FNDC3B: variants seen among roughly 807,000 people sequenced by gnomAD.
FNDC3B encodes the protein fibronectin type III domain containing 3B, also known as fibronectin type III domain-containing protein 3B.
A neutral mutation model predicts 151.5 loss-of-function variants in FNDC3B; 12 were observed. The ratio of observed to expected loss-of-function variants is 0.08; its 90% confidence interval spans 0.05 to 0.13. The LOEUF is 0.13. Among genes scored for constraint, FNDC3B ranks in the 10% least tolerant of loss-of-function variants. The pLI is 1.00. For synonymous variants in FNDC3B, 528 were observed against 549.0 expected (o/e 0.96, Z 0.54); for missense variants, 1,214 against 1,505.3 (o/e 0.81, Z 3.20).
At chr3:172,057,544 C>T (rs917073479) in intron 1 of FNDC3B, among the ~76,000 whole-genome samples, 3 of 151,934 alleles carry the variant, frequency 2.0e-5, no homozygotes, top group African/African-American at 7.3e-5. Context: ...GGGGGAAGAA[C>T]AAAACTTTTA....
At chr3:172,311,507 C>A (rs1041953064) in intron 11 of FNDC3B, among the ~76,000 whole-genome samples, 1 of 151,958 alleles carries the variant, frequency 6.6e-6, no homozygotes, top group African/African-American at 2.4e-5. Flanking sequence ...GCATTTCTGG[C>A]CTAGCTAACT....
intron 3 of FNDC3B, among the ~76,000 whole-genome samples, chr3:172,198,135 C>T (rs985989463): frequency 4.6e-5 from 7 of 152,082 alleles, no homozygotes; most frequent in Admixed American, 3.9e-4. Context: ...ATTCTTTGAG[C>T]ACATCTTTTC....
intron 3 of FNDC3B, among the ~76,000 whole-genome samples, chr3:172,170,557 A>T (rs897915297): frequency 2.6e-5 from 4 of 152,256 alleles, no homozygotes; most frequent in Non-Finnish European, 5.9e-5. Flanking sequence ...GGGAGAGAAG[A>T]AAAAGAGATA....
At chr3:172,376,849 T>TAAA (rs752232518) in intron 23 of FNDC3B, among the ~76,000 whole-genome samples, 1 of 117,802 alleles carries the variant, frequency 8.5e-6, no homozygotes, top group Non-Finnish European at 1.8e-5. Context: ...CAGGCTTTGT[T>TAAA]AAAAAAAAAA....
intron 5 of FNDC3B, among the ~76,000 whole-genome samples, chr3:172,249,307 C>T (rs1249622770): frequency 6.6e-6 from 1 of 152,058 alleles, no homozygotes; most frequent in Admixed American, 6.5e-5. Flanking sequence ...TAAATGCTGT[C>T]CTTTGCAATT....
At chr3:172,386,731 ACT>A (rs1241790484) in intron 25 of FNDC3B, among the ~76,000 whole-genome samples, 1 of 146,518 alleles carries the variant, frequency 6.8e-6, no homozygotes, top group Non-Finnish European at 1.5e-5. Flanking sequence ...ACAGAGCGAG[ACT>A]CTGTCTCAAA....
chr3:172,372,122 C>T (rs1576955156), intron 23 of FNDC3B, among the ~76,000 whole-genome samples: 1 of 152,288 alleles, frequency 6.6e-6, no homozygotes. Context: ...GACTGTTGAG[C>T]CTGAACTCAG....
chr3:172,350,003 CAT>C, intron 21 of FNDC3B, among the ~76,000 whole-genome samples: 1 of 152,228 alleles, frequency 6.6e-6, no homozygotes, highest in East Asian at 1.9e-4. Flanking sequence ...AGTTCTGTAA[CAT>C]GTTTCTCTTC....
intron 11 of FNDC3B, among the ~76,000 whole-genome samples, chr3:172,314,066 C>T (rs1731657420): frequency 6.6e-6 from 1 of 152,190 alleles, no homozygotes. Context: ...CCCTCTGAAT[C>T]CTTCTGCTGG....
chr3:172,087,633 A>AT lies in FNDC3B; in HGVS notation c.-28-24810dup, dbSNP rs1333107885. Among the ~76,000 whole-genome samples the AT allele has an allele frequency of 3.2e-3, 486 of 151,734 alleles. 3 individuals carry two copies. Among genetic ancestry groups the AT allele is most frequent in the African/African-American group, 0.011 (470 of 41,372 alleles). On this transcript the variant is annotated intron_variant, in intron 1 of 25. Coordinates refer to ENST00000415807, the MANE Select transcript of FNDC3B (RefSeq NM_022763.4). ...TCAGAGGTGCTGCTGATTAAAAAAA[A>AT]TTTTTTTTTCAAATTTCATTGCAAA... is the stretch of plus-strand genomic sequence containing the variant.
chr3:172,345,963 G>T (rs1733594634), intron 19 of FNDC3B: 1 of 155,656 alleles, frequency 6.4e-6, no homozygotes. Flanking sequence ...TTAAACTGCA[G>T]TGGGCATCTG....
chr3:172,176,620 C>T (rs547758200), intron 3 of FNDC3B, among the ~76,000 whole-genome samples: 12 of 152,164 alleles, frequency 7.9e-5, no homozygotes, highest in Non-Finnish European at 1.3e-4. Context: ...TGACAATGGT[C>T]GAATGAGATA....
intron 5 of FNDC3B, among the ~76,000 whole-genome samples, chr3:172,250,023 A>G (rs1727987979): frequency 2.0e-5 from 3 of 152,152 alleles, no homozygotes; most frequent in Admixed American, 2.0e-4. Context: ...GGTAATTTAT[A>G]TTGTCACTCC....
At chr3:172,284,230 T>G (rs1316564829) in intron 6 of FNDC3B, among the ~76,000 whole-genome samples, 3 of 152,186 alleles carry the variant, frequency 2.0e-5, no homozygotes. Context: ...TAGCCTGCTT[T>G]TGTATGGCCC....
intron 11 of FNDC3B, among the ~76,000 whole-genome samples, chr3:172,317,710 A>G (rs1227567316): frequency 6.6e-6 from 1 of 152,238 alleles, no homozygotes; most frequent in Non-Finnish European, 1.5e-5. Flanking sequence ...AAGTTTACCT[A>G]AGCAGATGCT....
At chr3:172,158,204 C>T (rs1420788420) in intron 3 of FNDC3B, among the ~76,000 whole-genome samples, 1 of 152,150 alleles carries the variant, frequency 6.6e-6, no homozygotes, top group Non-Finnish European at 1.5e-5. Context: ...TAAGACAGTA[C>T]CCAAGAGTAC....
At chr3:172,370,625 T>A (rs886459391) in intron 23 of FNDC3B, among the ~76,000 whole-genome samples, 5 of 152,190 alleles carry the variant, frequency 3.3e-5, no homozygotes, top group African/African-American at 1.2e-4. Flanking sequence ...AAGTTTACAG[T>A]GAAGGTAATA....
At chr3:172,390,830 A>C (rs1266691168) in intron 25 of FNDC3B, among the ~76,000 whole-genome samples, 1 of 152,168 alleles carries the variant, frequency 6.6e-6, no homozygotes, top group Non-Finnish European at 1.5e-5. Context: ...GCAGAAACTG[A>C]GCAGGGAACT....
intron 3 of FNDC3B, among the ~76,000 whole-genome samples, chr3:172,224,121 A>G (rs1045692979): frequency 1.8e-4 from 27 of 152,368 alleles, no homozygotes; most frequent in African/African-American, 6.5e-4. Context: ...TGAATTTCAC[A>G]GATACTGCTC....
Sources: gnomAD v4.1 joint callset for allele counts (sites outside exome capture counted in the v4.1 genomes callset) on GRCh38, gnomAD v4.1.1 for gene constraint, MANE v1.5 for transcripts, NCBI Gene and HGNC (gene_info 2026-07-23, HGNC 2026-07-21) for gene names.